LRMDA: variants seen among roughly 807,000 people sequenced by gnomAD.
The protein encoded by LRMDA is leucine-rich melanocyte differentiation-associated protein.
LRMDA carries 18 observed loss-of-function variants against 29.8 expected under a neutral mutation model. The ratio of observed to expected loss-of-function variants is 0.60; its 90% CI spans 0.42 to 0.90. The LOEUF (loss-of-function observed/expected upper bound fraction) is 0.90, where lower values mean the gene tolerates loss of function less well. Among genes scored for constraint, LRMDA ranks in the 40% least tolerant of loss-of-function variants. LRMDA has a pLI of 0.00. For missense variants in LRMDA, 273 were observed against 273.9 expected (o/e 1.00, Z 0.02); for synonymous variants, 125 against 109.4 (o/e 1.14, Z -0.89).
intron 5 of LRMDA, among the ~76,000 whole-genome samples, chr10:76,201,050 A>G (rs1291704197): frequency 1.4e-5 from 2 of 147,944 alleles, no homozygotes; most frequent in African/African-American, 2.5e-5. Flanking sequence ...TAGTGACCCC[A>G]TATTATTAGT....
chr10:76,542,994 G>A (rs552265913), intron 6 of LRMDA, among the ~76,000 whole-genome samples: 3 of 152,296 alleles, frequency 2.0e-5, no homozygotes, highest in Admixed American at 2.0e-4. Context: ...TGGCTTGCCT[G>A]AGACGGGAAG....
At chr10:75,725,485 T>C (rs867908670) in intron 2 of LRMDA, among the ~76,000 whole-genome samples, 1 of 152,244 alleles carries the variant, frequency 6.6e-6, no homozygotes, top group South Asian at 2.1e-4. Context: ...ATTTATAATT[T>C]ATGATTTTAT....
At chr10:75,551,758 G>C (rs190958892) in intron 2 of LRMDA, among the ~76,000 whole-genome samples, 49 of 152,216 alleles carry the variant, frequency 3.2e-4, no homozygotes, top group Admixed American at 8.5e-4. Context: ...GAAAAAATTT[G>C]CTGGGCACTG....
intron 5 of LRMDA, among the ~76,000 whole-genome samples, chr10:76,267,138 A>G (rs1484231261): frequency 1.3e-5 from 2 of 152,144 alleles, no homozygotes; most frequent in Admixed American, 1.3e-4. Flanking sequence ...ATGAATTTCC[A>G]CAGGTCACCA....
chr10:75,800,024 C>T (rs1364832695), intron 2 of LRMDA, among the ~76,000 whole-genome samples: 4 of 152,074 alleles, frequency 2.6e-5, no homozygotes, highest in Admixed American at 1.3e-4. Context: ...ATTTTGACTT[C>T]TTTTCAAGTA....
intron 5 of LRMDA, among the ~76,000 whole-genome samples, chr10:76,131,258 A>G (rs1849987933): frequency 1.3e-5 from 2 of 152,018 alleles, no homozygotes; most frequent in South Asian, 2.1e-4. Context: ...TTCCTATTGT[A>G]TCCTTGTCTG....
chr10:76,297,472 T>C (rs1486475599), intron 5 of LRMDA, among the ~76,000 whole-genome samples: 2 of 152,202 alleles, frequency 1.3e-5, no homozygotes, highest in East Asian at 3.9e-4. Flanking sequence ...ATGGGCCTAC[T>C]TTTTTGGCCC....
At chr10:76,076,246 G>A (rs978266124) in intron 5 of LRMDA, among the ~76,000 whole-genome samples, 1 of 150,970 alleles carries the variant, frequency 6.6e-6, no homozygotes, top group Non-Finnish European at 1.5e-5. Flanking sequence ...GGGAGGCTGA[G>A]GCAGGAGAAT....
At chr10:76,225,704 A>ATTTATTTC (rs1490754971) in intron 5 of LRMDA, among the ~76,000 whole-genome samples, 2 of 147,130 alleles carry the variant, frequency 1.4e-5, no homozygotes, top group Non-Finnish European at 3.0e-5. Flanking sequence ...TATTTTATTT[A>ATTTATTTC]TTTATTTATT....
At chr10:75,825,176 G>C (rs1394961678) in intron 2 of LRMDA, among the ~76,000 whole-genome samples, 1 of 152,106 alleles carries the variant, frequency 6.6e-6, no homozygotes, top group Non-Finnish European at 1.5e-5. Flanking sequence ...ATGGGCCACT[G>C]GAGGGTAATC....
intron 2 of LRMDA, among the ~76,000 whole-genome samples, chr10:75,485,173 A>G (rs1187825752): frequency 6.6e-6 from 1 of 152,144 alleles, no homozygotes; most frequent in Non-Finnish European, 1.5e-5. Context: ...CTTAGTTTTG[A>G]TGATTTATAT....
intron 2 of LRMDA, among the ~76,000 whole-genome samples, chr10:75,735,192 G>C (rs1000074533): frequency 3.3e-5 from 5 of 152,164 alleles, no homozygotes; most frequent in Non-Finnish European, 5.9e-5. Flanking sequence ...GTACAGTAGG[G>C]TATTGTAATG....
chr10:76,310,626 C>A (rs929333829), intron 5 of LRMDA, among the ~76,000 whole-genome samples: 1 of 152,042 alleles, frequency 6.6e-6, no homozygotes, highest in Non-Finnish European at 1.5e-5. Flanking sequence ...ACAGCTGTCA[C>A]AATAATTTGG....
rs150033611 is a variant in LRMDA at position 76,013,150 on chromosome 10, G to T, written c.132-22858G>T. ...TGAAAGATCAAAGATTGCTAGGCTCGCATTTTAATCTGTTGGCTATAAAAA... is the reference window on the plus strand; with the variant it reads ...TGAAAGATCAAAGATTGCTAGGCTCTCATTTTAATCTGTTGGCTATAAAAA... On this transcript the variant is annotated intron_variant, in intron 2 of 6. Transcript: ENST00000611255. Among the ~76,000 whole-genome samples the T allele has an allele frequency of 2.6e-3, 396 of 152,280 alleles. 3 individuals are homozygous for T. Among genetic ancestry groups the T allele is most frequent in the African/African-American group, 8.6e-3 (357 of 41,562 alleles).
At chr10:76,553,301 C>A (rs568854675) in intron 6 of LRMDA, among the ~76,000 whole-genome samples, 2 of 152,338 alleles carry the variant, frequency 1.3e-5, no homozygotes, top group African/African-American at 4.8e-5. Context: ...TGTGTTGTTC[C>A]CCCTCCAGTC....
At position 75,800,805 on chromosome 10, in the gene LRMDA, C is replaced by T. The variant is rs73290585; in HGVS notation, c.132-235203C>T. ...TTTTTATGTTTCTTTGTATATGTAG[C>T]ATTTTCCATTGCGTTAATATGTTGC... On this transcript the variant is annotated intron_variant, in intron 2 of 6. Transcript: ENST00000611255. 8.0e-3 allele frequency among the ~76,000 whole-genome samples: 1,219 copies of T among 152,264 alleles called. 19 individuals carry two copies. Among genetic ancestry groups the T allele is most frequent in the African/African-American group, 0.027 (1,134 of 41,552 alleles).
rs554722213 is a variant in LRMDA, at chr10:75,878,562, G to C, written c.132-157446G>C. Among the ~76,000 whole-genome samples the C allele has an allele frequency of 5.3e-5, 8 of 152,206 alleles. No homozygotes were observed. In the South Asian group the frequency reaches 1.7e-3, roughly 32 times the overall value. On this transcript the variant is annotated intron_variant, in intron 2 of 6. Transcript: ENST00000611255. ...TCTTGATGTCTAGCTGATTGTGTCT[G>C]TGCCTGCTAGGGTCTTGGGTTTTTA...
chr10:76,283,734 T>C (rs1840235678), intron 5 of LRMDA, among the ~76,000 whole-genome samples: 1 of 152,204 alleles, frequency 6.6e-6, no homozygotes, highest in African/African-American at 2.4e-5. Flanking sequence ...AGTAATTTGA[T>C]CATGTTCATC....
chr10:75,431,769 G>T lies in LRMDA; in HGVS notation c.30+15G>T, dbSNP rs917327471. ...GTGGAACTCAAGTAAGTCCCGGCCAGCCCCGCCTCCGCCCGGGGCGCAGTC... is the reference window on the plus strand; with the variant it reads ...GTGGAACTCAAGTAAGTCCCGGCCATCCCCGCCTCCGCCCGGGGCGCAGTC... On this transcript the variant is annotated intron_variant, in intron 1 of 6. Coordinates refer to ENST00000611255, the MANE Select transcript of LRMDA (RefSeq NM_001305581.2). The T allele has an allele frequency of 4.2e-5, 57 of 1,359,396 alleles. No homozygotes were observed. The East Asian group carries it at 1.6e-3, about 39-fold the overall frequency. 84.2% of individuals were successfully genotyped at this position (1,359,396 alleles called of 1,614,324 possible).
Sources: allele counts gnomAD v4.1 joint callset (sites outside exome capture counted in the v4.1 genomes callset), GRCh38; gene constraint gnomAD v4.1.1; transcripts MANE v1.5; gene names NCBI Gene and HGNC (gene_info 2026-07-23, HGNC 2026-07-21).